CDH23: variants seen among roughly 807,000 people sequenced by gnomAD.
CDH23 encodes cadherin-23.
Under a neutral mutation model 317.1 loss-of-function variants are expected in CDH23, and 189 were observed. The ratio of observed to expected loss-of-function variants is 0.60; its 90% CI spans 0.53 to 0.67. CDH23 has a LOEUF of 0.67. CDH23 is among the 30% of genes least tolerant of loss of function. The pLI is 0.00. For missense variants in CDH23, 4,401 were observed against 4,592.4 expected, an observed-to-expected ratio of 0.96 and a Z score of 1.20; for synonymous variants, 1,839 against 1,876.8, an observed-to-expected ratio of 0.98 and a Z score of 0.52.
chr10:71,670,615 G>A (rs1039886224), intron 14 of CDH23, among the ~76,000 whole-genome samples: 4 of 152,196 alleles, frequency 2.6e-5, no homozygotes, highest in Non-Finnish European at 5.9e-5. Flanking sequence ...AACCAGCAAT[G>A]AGAGAACAGT....
At chr10:71,491,880 C>T (rs1355549550) in intron 3 of CDH23, among the ~76,000 whole-genome samples, 1 of 152,162 alleles carries the variant, frequency 6.6e-6, no homozygotes, top group Non-Finnish European at 1.5e-5. Context: ...TTCTGCGATT[C>T]CCACTGGAAC....
intron 11 of CDH23, among the ~76,000 whole-genome samples, chr10:71,632,030 G>A (rs556027480): frequency 3.7e-4 from 56 of 152,226 alleles, no homozygotes; most frequent in African/African-American, 1.3e-3. Flanking sequence ...GGGGGCAGTG[G>A]GACTGTTCTG....
intron 14 of CDH23, among the ~76,000 whole-genome samples, chr10:71,662,902 C>T (rs1863737716): frequency 6.6e-6 from 1 of 152,204 alleles, no homozygotes. Context: ...CCTCCTCAGG[C>T]TGAGCGGAGA....
chr10:71,420,495 T>C (rs1848741798), intron 1 of CDH23, among the ~76,000 whole-genome samples: 1 of 141,706 alleles, frequency 7.1e-6, no homozygotes, highest in Admixed American at 7.0e-5. Context: ...ATGGTGATGA[T>C]GGTAATGGTG....
intron 42 of CDH23, 76 bp downstream of exon 42, chr10:71,784,496 T>C: frequency 1.9e-6 from 3 of 1,553,076 alleles, no homozygotes; most frequent in Non-Finnish European, 2.6e-6. Flanking sequence ...GTAAACATTG[T>C]TACCCTTGTG....
chr10:71,692,570 T>C (rs1169671988), intron 20 of CDH23, among the ~76,000 whole-genome samples: 1 of 152,220 alleles, frequency 6.6e-6, no homozygotes, highest in Non-Finnish European at 1.5e-5. Context: ...GCAGGGAGTG[T>C]GGCTCGTTGG....
rs547214886 is a variant in CDH23, at chr10:71,731,979, T to C, written c.3716-8T>C. On this transcript the variant is annotated splice_region_variant and splice_polypyrimidine_tract_variant and intron_variant, in intron 31 of 69. Coordinates refer to ENST00000224721, the MANE Select transcript of CDH23 (RefSeq NM_022124.6). Reference sequence around the variant, plus strand: ...CTGGGACTGCACAGCCTCTGTGTCCTCCTACAGGGGATGGTGGCCTGGTGA... The same window carrying C: ...CTGGGACTGCACAGCCTCTGTGTCCCCCTACAGGGGATGGTGGCCTGGTGA... 54 of 1,612,382 alleles carry C rather than the reference T, an allele frequency of 3.3e-5. No individual in the cohort carries two copies. The highest frequency in any genetic ancestry group is 4.0e-5 in the Non-Finnish European group (47 of 1,178,970).
intron 33 of CDH23, 63 bp from the exon 34 acceptor site, chr10:71,734,593 G>A (rs376043334): frequency 1.9e-4 from 297 of 1,594,090 alleles, no homozygotes; most frequent in Non-Finnish European, 2.4e-4. Context: ...AGCCACAGAC[G>A]GCTAACCATT....
Position 71,465,517 on chromosome 10 carries a change from C to T in CDH23, c.145+19122C>T, listed in dbSNP as rs185313240. On this transcript the variant is annotated intron_variant, in intron 3 of 69. Coordinates refer to ENST00000224721, the MANE Select transcript of CDH23 (RefSeq NM_022124.6). ...ATAGAAACGGAGGGCCCTGAGCCAT[C>T]GAGTGCCACCGAGTGGTCTGGATCT... 1.4e-3 allele frequency among the ~76,000 whole-genome samples: 213 copies of T among 152,360 alleles called. 1 individual carries two copies. The highest frequency in any genetic ancestry group is 4.9e-3 in the African/African-American group (204 of 41,590).
chr10:71,514,156 C>A (rs940015529), intron 6 of CDH23, among the ~76,000 whole-genome samples: 1 of 152,146 alleles, frequency 6.6e-6, no homozygotes, highest in African/African-American at 2.4e-5. Context: ...CTCCAGCCAT[C>A]TAGCACTGCG....
intron 19 of CDH23, among the ~76,000 whole-genome samples, chr10:71,690,122 G>A (rs1460664807): frequency 6.6e-6 from 1 of 152,158 alleles, no homozygotes; most frequent in African/African-American, 2.4e-5. Context: ...CATGTCTTTT[G>A]ACTCCAAGTG....
chr10:71,674,169 A>G (rs555268621), intron 14 of CDH23, among the ~76,000 whole-genome samples: 116 of 152,092 alleles, frequency 7.6e-4, no homozygotes, highest in Non-Finnish European at 1.3e-3. Context: ...ACTTTTTTTC[A>G]TTTCATTCAT....
At chr10:71,642,393 CTTTTTTTTT>C (rs781291264) in intron 11 of CDH23, among the ~76,000 whole-genome samples, 2 of 85,388 alleles carry the variant, frequency 2.3e-5, no homozygotes, top group Non-Finnish European at 2.1e-5. Context: ...GGCCCGGCCT[CTTTTTTTTT>C]TTTTTTTTTT....
chr10:71,795,946 G>A (rs1253520009), intron 48 of CDH23: 1 of 986,052 alleles, frequency 1.0e-6, no homozygotes, highest in Admixed American at 6.1e-5. Flanking sequence ...GTCCTGTGGG[G>A]CCTGGGCCAA....
intron 38 of CDH23, among the ~76,000 whole-genome samples, chr10:71,747,139 G>C (rs1286980107): frequency 6.6e-6 from 1 of 152,184 alleles, no homozygotes; most frequent in African/African-American, 2.4e-5. Flanking sequence ...CTGCCCAGAT[G>C]CTCCACATAC....
intron 3 of CDH23, among the ~76,000 whole-genome samples, chr10:71,485,724 G>A (rs546923389): frequency 2.0e-4 from 30 of 152,344 alleles, no homozygotes; most frequent in African/African-American, 6.5e-4. Context: ...GGGGTGGGAT[G>A]GGCGTGGTTG....
At chr10:71,724,556 C>G (rs748401367) in intron 29 of CDH23, among the ~76,000 whole-genome samples, 1 of 152,220 alleles carries the variant, frequency 6.6e-6, no homozygotes, top group Non-Finnish European at 1.5e-5. Flanking sequence ...CCCATCTCAG[C>G]CTTCCAAAGT....
intron 55 of CDH23, among the ~76,000 whole-genome samples, 177 bp downstream of exon 55, chr10:71,803,597 C>T (rs1004222156): frequency 6.6e-6 from 1 of 151,726 alleles, no homozygotes; most frequent in Non-Finnish European, 1.5e-5. Context: ...AAACTGAGGC[C>T]GGAGAAGGAA....
At chr10:71,440,820 C>T (rs775463899) in intron 2 of CDH23, among the ~76,000 whole-genome samples, 5 of 152,174 alleles carry the variant, frequency 3.3e-5, no homozygotes, top group African/African-American at 2.4e-5. Context: ...AGAGAAGAGC[C>T]GTGGGCATGG....
Sources: gnomAD v4.1 joint callset for allele counts (sites outside exome capture counted in the v4.1 genomes callset) on GRCh38, gnomAD v4.1.1 for gene constraint, MANE v1.5 for transcripts, NCBI Gene and HGNC (gene_info 2026-07-23, HGNC 2026-07-21) for gene names.